Variants in CPLX2 observed in about 807,000 individuals in gnomAD.
CPLX2 encodes the protein complexin 2, also known as complexin-2.
CPLX2 carries 5 observed loss-of-function variants against 16.3 expected under a neutral mutation model. The ratio of observed to expected loss-of-function variants is 0.31; its 90% CI spans 0.16 to 0.64. The LOEUF (loss-of-function observed/expected upper bound fraction) is 0.64. Ranked by LOEUF, CPLX2 falls within the 30% of genes least tolerant of loss-of-function variation. The probability of loss-of-function intolerance (pLI) is 0.79; values close to 1 mark genes in which losing one functional copy is unlikely to be tolerated. For missense variants in CPLX2, 144 were observed against 181.4 expected (o/e 0.79, Z 1.18); for synonymous variants, 89 against 73.2 (o/e 1.22, Z -1.10).
intron 1 of CPLX2, among the ~76,000 whole-genome samples, chr5:175,875,608 T>C (rs1030062987): frequency 2.6e-5 from 4 of 152,194 alleles, no homozygotes; most frequent in Non-Finnish European, 4.4e-5. Context: ...ATTCAAGATC[T>C]GAGTCAGGCA....
chr5:175,820,636 G>A (rs1225187176), intron 2 of CPLX2, among the ~76,000 whole-genome samples: 5 of 152,068 alleles, frequency 3.3e-5, no homozygotes, highest in African/African-American at 9.7e-5. Context: ...CTTCATCAAC[G>A]CCACCTCCAA....
At position 175,848,473 on chromosome 5, in the gene CPLX2, T is replaced by C. The variant is rs77865152; in HGVS notation, c.-88-30179T>C. 3.6e-3 allele frequency among the ~76,000 whole-genome samples: 553 copies of C among 152,154 alleles called. 7 individuals are homozygous for C. Among genetic ancestry groups the C allele is most frequent in the African/African-American group, 0.013 (525 of 41,506 alleles). On this transcript the variant is annotated intron_variant, in intron 2 of 4. Coordinates refer to the CPLX2 transcript ENST00000359546. Reference sequence around the variant, plus strand: ...GGAGAACAGGGTGTCTTCTGGCAATTGCAAGGTGTTGTTCAGTGTGACTGA... The same window carrying C: ...GGAGAACAGGGTGTCTTCTGGCAATCGCAAGGTGTTGTTCAGTGTGACTGA...
intron 2 of CPLX2, among the ~76,000 whole-genome samples, chr5:175,827,267 C>T (rs938721385): frequency 5.9e-5 from 9 of 152,240 alleles, no homozygotes; most frequent in African/African-American, 1.9e-4. Context: ...TCAACTAAAC[C>T]TCACTGAAGG....
chr5:175,824,774 G>T (rs1187055266), intron 2 of CPLX2, among the ~76,000 whole-genome samples: 1 of 152,238 alleles, frequency 6.6e-6, no homozygotes, highest in African/African-American at 2.4e-5. Context: ...AAGAAATTGA[G>T]CATCAAAGAG....
At chr5:175,820,572 C>T (rs1274543316) in intron 2 of CPLX2, among the ~76,000 whole-genome samples, 2 of 152,226 alleles carry the variant, frequency 1.3e-5, no homozygotes, top group Non-Finnish European at 2.9e-5. Flanking sequence ...GTCTCAAGGA[C>T]TCTCAGCTCA....
intron 1 of CPLX2, among the ~76,000 whole-genome samples, chr5:175,798,381 G>A (rs1561765934): frequency 6.6e-6 from 1 of 152,244 alleles, no homozygotes; most frequent in Non-Finnish European, 1.5e-5. Flanking sequence ...CACTGGCTGT[G>A]CACTGGGGAG....
At chr5:175,866,443 T>C (rs1759478499) in intron 2 of CPLX2, among the ~76,000 whole-genome samples, 1 of 152,234 alleles carries the variant, frequency 6.6e-6, no homozygotes, top group Non-Finnish European at 1.5e-5. Flanking sequence ...GCAAGGAGAC[T>C]GCAGACTGAT....
At chr5:175,814,752 G>A (rs1462277008) in intron 2 of CPLX2, among the ~76,000 whole-genome samples, 1 of 152,186 alleles carries the variant, frequency 6.6e-6, no homozygotes, top group East Asian at 1.9e-4. Flanking sequence ...AGCCAAAGCT[G>A]CACAAGGGGT....
chr5:175,832,111 AG>A (rs1399649801), intron 2 of CPLX2, among the ~76,000 whole-genome samples: 3 of 152,282 alleles, frequency 2.0e-5, no homozygotes, highest in Admixed American at 2.0e-4. Context: ...GCCACCAAAA[AG>A]GTTCCTGGCC....
intron 2 of CPLX2, among the ~76,000 whole-genome samples, chr5:175,850,087 G>A (rs1759120257): frequency 6.6e-6 from 1 of 152,234 alleles, no homozygotes; most frequent in South Asian, 2.1e-4. Flanking sequence ...AATGGCGCAG[G>A]CCGAGTGAGG....
At chr5:175,857,130 G>A (rs1051009273) in intron 2 of CPLX2, among the ~76,000 whole-genome samples, 3 of 152,138 alleles carry the variant, frequency 2.0e-5, no homozygotes, top group African/African-American at 7.2e-5. Flanking sequence ...AACAACCTGG[G>A]ACTCAGTTCC....
In CPLX2 at chr5:175,809,814, T is replaced by G. The variant is rs1758280454; in HGVS notation, c.-89+746T>G. On this transcript the variant is annotated intron_variant, in intron 2 of 4. Transcript: ENST00000359546. The surrounding 1 kb of genome is among the most constrained non-coding windows in gnomAD (Gnocchi z 4.4). The stretch of plus-strand genomic sequence containing the variant: ...AACTTGTTTCTTTAAATAAACAGTC[T>G]TGAGTTTCATACCAAATAGTCTCTT... 6.6e-6 allele frequency among the ~76,000 whole-genome samples: 1 copy of G among 152,230 alleles called. No homozygotes were observed. Among genetic ancestry groups the G allele is most frequent in the Admixed American group, 6.5e-5 (1 of 15,286 alleles).
chr5:175,850,154 T>G (rs866924626), intron 2 of CPLX2, among the ~76,000 whole-genome samples: 13 of 13,412 alleles, frequency 9.7e-4, no homozygotes, highest in East Asian at 0.056. Flanking sequence ...GTTTTTTTGT[T>G]TTTTTTTTTT....
At chr5:175,815,992 A>G (rs989759022) in intron 2 of CPLX2, among the ~76,000 whole-genome samples, 2 of 152,234 alleles carry the variant, frequency 1.3e-5, no homozygotes, top group African/African-American at 4.8e-5. Context: ...TGTGGCAACC[A>G]GTTAATCCTC....
At chr5:175,802,680 C>T (rs1287845546) in intron 1 of CPLX2, among the ~76,000 whole-genome samples, 1 of 152,156 alleles carries the variant, frequency 6.6e-6, no homozygotes, top group African/African-American at 2.4e-5. Context: ...AGAGCCTCAG[C>T]CCTGACCCTT....
At chr5:175,875,512 C>T (rs1476933221) in intron 1 of CPLX2, among the ~76,000 whole-genome samples, 1 of 152,146 alleles carries the variant, frequency 6.6e-6, no homozygotes, top group Non-Finnish European at 1.5e-5. Context: ...TTCAAAGTGC[C>T]ATTATAATTC....
intron 1 of CPLX2, among the ~76,000 whole-genome samples, chr5:175,873,744 G>A (rs1247174854): frequency 6.6e-6 from 1 of 152,150 alleles, no homozygotes; most frequent in Non-Finnish European, 1.5e-5. Flanking sequence ...GCCAACACTG[G>A]GCTGAGCACT....
chr5:175,817,003 G>A (rs768088034), intron 2 of CPLX2, among the ~76,000 whole-genome samples: 1 of 152,260 alleles, frequency 6.6e-6, no homozygotes, highest in East Asian at 1.9e-4. Context: ...TGACCCAAGA[G>A]CGACTGCAGC....
At chr5:175,808,470 T>TA (rs528889003) in intron 1 of CPLX2, among the ~76,000 whole-genome samples, 10 of 148,668 alleles carry the variant, frequency 6.7e-5, no homozygotes, top group Non-Finnish European at 8.9e-5. Flanking sequence ...AGCTATAGTG[T>TA]AAAAAAAAAA....
Sources: gnomAD v4.1 joint callset for allele counts (sites outside exome capture counted in the v4.1 genomes callset) on GRCh38, gnomAD v4.1.1 for gene constraint, Gnocchi (gnomAD v3.1) non-coding constraint, MANE v1.5 for transcripts, NCBI Gene and HGNC (gene_info 2026-07-23, HGNC 2026-07-21) for gene names.